The following IFT88 variants were observed in gnomAD, a reference collection of about 807,000 sequenced individuals.
IFT88 encodes intraflagellar transport 88.
In IFT88, 74 loss-of-function variants were observed where a neutral mutation model predicts 119.5. The observed-to-expected ratio is 0.62, with a 90% confidence interval of 0.51 to 0.75. The LOEUF (loss-of-function observed/expected upper bound fraction) is 0.75, where lower values mean the gene tolerates loss of function less well. IFT88 is among the 30% of genes least tolerant of loss of function. The probability of loss-of-function intolerance (pLI) is 0.00; values close to 1 mark genes in which losing one functional copy is unlikely to be tolerated. For synonymous variants in IFT88, 279 were observed against 316.7 expected (o/e 0.88, Z 1.26); for missense variants, 961 against 977.7 (o/e 0.98, Z 0.23).
chr13:20,599,905 C>G (rs2139060822), intron 11 of IFT88, among the ~76,000 whole-genome samples: 1 of 152,192 alleles, frequency 6.6e-6, no homozygotes, highest in South Asian at 2.1e-4. Flanking sequence ...AGAAATTAAG[C>G]TCCCCTTACG....
At chr13:20,623,142 C>T (rs1463208878) in intron 14 of IFT88, among the ~76,000 whole-genome samples, 6 of 152,312 alleles carry the variant, frequency 3.9e-5, no homozygotes, top group South Asian at 2.1e-4. Context: ...GGTTTGTTTT[C>T]GGGCTCACTA....
intron 5 of IFT88, 106 bp downstream of exon 5, chr13:20,591,126 A>T (rs1397883319): frequency 2.7e-6 from 2 of 750,424 alleles, no homozygotes; most frequent in Non-Finnish European, 4.4e-6. Flanking sequence ...TAAAGAAGAT[A>T]TTACTTATAT....
At position 20,576,085 on chromosome 13, in the gene IFT88, C is replaced by T. The variant is rs2037327840; in HGVS notation, c.90+1610C>T. 1.3e-5 allele frequency among the ~76,000 whole-genome samples: 2 copies of T among 152,186 alleles called. 1 individual carries two copies. The highest frequency in any genetic ancestry group is 1.3e-4 in the Admixed American group (2 of 15,274). ...TTTTAACTGGAATGAGATGACATCT[C>T]GTTGTAGTTTTGATTTCCATTTCTC... is the stretch of plus-strand genomic sequence containing the variant. On this transcript the variant is annotated intron_variant, in intron 2 of 25. Transcript: ENST00000351808.
At chr13:20,635,286 C>CA (rs1380407281) in intron 16 of IFT88, among the ~76,000 whole-genome samples, 2 of 152,088 alleles carry the variant, frequency 1.3e-5, no homozygotes, top group African/African-American at 2.4e-5. Flanking sequence ...TTCACAATAG[C>CA]AAGGACTTGG....
Position 20,574,288 on chromosome 13 carries a change from C to T in IFT88, c.-6-92C>T. 5.2e-6 allele frequency: 3 copies of T among 581,322 alleles called. No homozygotes were observed. The South Asian group carries it at 9.8e-5, about 19-fold the overall frequency. 36.0% of individuals were successfully genotyped at this position (581,322 alleles called of 1,614,324 possible). A position where few individuals can be genotyped will look rare whatever the true frequency, so the allele number is the denominator to read the frequency against. On this transcript the variant is annotated intron_variant, in intron 1 of 25. Coordinates refer to ENST00000351808, the MANE Select transcript of IFT88 (RefSeq NM_006531.5). ...TGAGCCGTGATTGTGCTACTGCATT[C>T]CAGCCTGGGCAACAGAGCAAGACAT... is the stretch of plus-strand genomic sequence containing the variant.
intron 24 of IFT88, among the ~76,000 whole-genome samples, chr13:20,680,569 T>C (rs7329871): frequency 0.99 from 150,603 of 152,344 alleles, 74,462 homozygotes; most frequent in Non-Finnish European, 1. Flanking sequence ...CTGGTTGTCC[T>C]GCCTTCTTCA....
chr13:20,599,382 A>G, intron 10 of IFT88, 69 bp from the exon 11 acceptor site: 1 of 595,010 alleles, frequency 1.7e-6, no homozygotes, highest in Non-Finnish European at 2.9e-6. Flanking sequence ...TATGAATTAA[A>G]AGTCATCTAA....
intron 13 of IFT88, among the ~76,000 whole-genome samples, chr13:20,611,601 TTTTTG>T (rs894713262): frequency 5.3e-5 from 8 of 151,790 alleles, no homozygotes; most frequent in East Asian, 1.9e-4. Flanking sequence ...TTTTACCAGT[TTTTTG>T]TTTTGTTTTG....
chr13:20,649,316 CATAAT>C (rs1207203485), intron 20 of IFT88, among the ~76,000 whole-genome samples: 2 of 152,032 alleles, frequency 1.3e-5, no homozygotes, highest in East Asian at 3.8e-4. Flanking sequence ...CTTTTTCTGT[CATAAT>C]GTAATGAAAC....
intron 20 of IFT88, among the ~76,000 whole-genome samples, chr13:20,652,622 A>T (rs1242204773): frequency 4.6e-5 from 7 of 152,184 alleles, no homozygotes; most frequent in Non-Finnish European, 8.8e-5. Flanking sequence ...TCTGAAAAAA[A>T]AAAAAAGTTA....
At chr13:20,622,294 A>G (rs1429617874) in intron 14 of IFT88, among the ~76,000 whole-genome samples, 1 of 152,220 alleles carries the variant, frequency 6.6e-6, no homozygotes, top group Non-Finnish European at 1.5e-5. Context: ...TAAAACATCC[A>G]TTGTGTAGGT....
intron 13 of IFT88, chr13:20,612,168 C>T (rs1343284880): frequency 6.6e-6 from 1 of 152,108 alleles, no homozygotes; most frequent in Non-Finnish European, 1.5e-5. Flanking sequence ...TTAATATCTT[C>T]TCAGCCGTGT....
chr13:20,653,999 T>G (rs1455361095), intron 21 of IFT88, 71 bp downstream of exon 21: 1 of 789,442 alleles, frequency 1.3e-6, no homozygotes, highest in East Asian at 2.6e-5. Flanking sequence ...TGCATATAAA[T>G]GTGATCCAGT....
intron 1 of IFT88, among the ~76,000 whole-genome samples, chr13:20,571,704 C>T (rs1056511549): frequency 2.6e-5 from 4 of 152,266 alleles, no homozygotes; most frequent in Non-Finnish European, 4.4e-5. Flanking sequence ...GGAGAAGTGT[C>T]ATGTAGTGCT....
chr13:20,640,571 A>AAAT (rs2049757325), intron 17 of IFT88, among the ~76,000 whole-genome samples: 3 of 144,242 alleles, frequency 2.1e-5, no homozygotes, highest in Non-Finnish European at 4.6e-5. Context: ...ACTCCGTCTC[A>AAAT]AAATAAATAA....
intron 20 of IFT88, among the ~76,000 whole-genome samples, chr13:20,653,255 T>C (rs2052097904): frequency 6.6e-6 from 1 of 152,230 alleles, no homozygotes; most frequent in African/African-American, 2.4e-5. Flanking sequence ...AGGTTTTCTT[T>C]GAAGCCATCA....
In IFT88 at chr13:20,608,299, C is replaced by T. The variant is rs550192066; in HGVS notation, c.1112+3194C>T. On this transcript the variant is annotated intron_variant, in intron 13 of 25. Coordinates refer to ENST00000351808, the MANE Select transcript of IFT88 (RefSeq NM_006531.5). ...TCATCAGAAGCACCGGGGTTCCTGG[C>T]GCCCCATGAGCCACAGGAGGATGCG... Among the ~76,000 whole-genome samples the T allele has an allele frequency of 3.7e-4, 56 of 152,340 alleles. 1 individual carries two copies. In the South Asian group the frequency reaches 3.9e-3, roughly 11 times the overall value.
At chr13:20,613,657 C>T (rs535661741) in intron 13 of IFT88, among the ~76,000 whole-genome samples, 29 of 134,328 alleles carry the variant, frequency 2.2e-4, no homozygotes, top group Non-Finnish European at 4.3e-4. Context: ...TTCATAATAT[C>T]GAAAAATAGA....
intron 21 of IFT88, among the ~76,000 whole-genome samples, chr13:20,655,441 C>CAA (rs71778307): frequency 1.6e-5 from 2 of 128,286 alleles, no homozygotes; most frequent in Admixed American, 7.8e-5. Flanking sequence ...GACTCCATCT[C>CAA]AAAAAAAAAA....
Sources: gnomAD v4.1 joint callset for allele counts (sites outside exome capture counted in the v4.1 genomes callset) on GRCh38, gnomAD v4.1.1 for gene constraint, MANE v1.5 for transcripts, NCBI Gene and HGNC (gene_info 2026-07-23, HGNC 2026-07-21) for gene names.